Variants in GOLM2 observed in about 807,000 individuals in gnomAD.
GOLM2 encodes the protein protein GOLM2.
A neutral mutation model predicts 55.9 loss-of-function variants in GOLM2; 26 were observed. The ratio of observed to expected loss-of-function variants is 0.47; its 90% CI spans 0.34 to 0.65. The LOEUF is 0.65. Among genes scored for constraint, GOLM2 ranks in the 30% least tolerant of loss-of-function variants. GOLM2 has a pLI of 0.01. For synonymous variants in GOLM2, 165 were observed against 194.6 expected (o/e 0.85, Z 1.27); for missense variants, 486 against 531.8 (o/e 0.91, Z 0.85).
intron 6 of GOLM2, among the ~76,000 whole-genome samples, chr15:44,371,653 T>A (rs576999590): frequency 1.9e-4 from 29 of 152,354 alleles, no homozygotes; most frequent in Admixed American, 1.4e-3. Flanking sequence ...CATCTCTTTC[T>A]AGGAGTTTTT....
chr15:44,340,517 C>G (rs2079084415), intron 6 of GOLM2, among the ~76,000 whole-genome samples: 1 of 152,186 alleles, frequency 6.6e-6, no homozygotes, highest in African/African-American at 2.4e-5. Context: ...CTCAGCCTCT[C>G]AAAGCACTGG....
intron 6 of GOLM2, among the ~76,000 whole-genome samples, chr15:44,376,639 C>G (rs1313721915): frequency 6.6e-6 from 1 of 152,048 alleles, no homozygotes; most frequent in Non-Finnish European, 1.5e-5. Flanking sequence ...AAAATAGATA[C>G]TTGTATATGT....
chr15:44,349,882 T>A (rs2141158420), intron 6 of GOLM2, among the ~76,000 whole-genome samples: 1 of 152,254 alleles, frequency 6.6e-6, no homozygotes, highest in Non-Finnish European at 1.5e-5. Flanking sequence ...AACAATATGC[T>A]CCTGAGTCAC....
At chr15:44,323,614 G>A (rs962766371) in intron 2 of GOLM2, among the ~76,000 whole-genome samples, 8 of 149,692 alleles carry the variant, frequency 5.3e-5, no homozygotes, top group Non-Finnish European at 1.2e-4. Flanking sequence ...TCATGCCATA[G>A]CTGTTAGCCT....
intron 6 of GOLM2, among the ~76,000 whole-genome samples, chr15:44,344,287 G>GTA (rs143483392): frequency 0.067 from 9,281 of 138,078 alleles, 301 homozygotes; most frequent in African/African-American, 0.087. Context: ...ATATGTGTGT[G>GTA]TATATATATA....
At chr15:44,304,864 G>A (rs1567020955) in intron 1 of GOLM2, among the ~76,000 whole-genome samples, 1 of 152,058 alleles carries the variant, frequency 6.6e-6, no homozygotes, top group Non-Finnish European at 1.5e-5. Flanking sequence ...CTAATTCTAG[G>A]TCTCTTGCTA....
intron 6 of GOLM2, among the ~76,000 whole-genome samples, chr15:44,372,306 CCTT>C (rs1273871194): frequency 2.0e-5 from 3 of 152,152 alleles, no homozygotes; most frequent in Non-Finnish European, 4.4e-5. Flanking sequence ...GTGCCATACT[CCTT>C]CTCTATAGCC....
chr15:44,373,903 C>G (rs1595655814), intron 6 of GOLM2, among the ~76,000 whole-genome samples: 1 of 152,096 alleles, frequency 6.6e-6, no homozygotes, highest in East Asian at 1.9e-4. Context: ...GAATTCGAGA[C>G]CAGCCTGGCC....
chr15:44,325,543 C>T (rs2078975534), intron 2 of GOLM2, among the ~76,000 whole-genome samples: 1 of 152,198 alleles, frequency 6.6e-6, no homozygotes, highest in Non-Finnish European at 1.5e-5. Flanking sequence ...TCAGAAGGGA[C>T]TGTAATCTTT....
At chr15:44,332,568 A>C (rs894446360) in intron 4 of GOLM2, among the ~76,000 whole-genome samples, 15 of 152,162 alleles carry the variant, frequency 9.9e-5, no homozygotes, top group Non-Finnish European at 2.1e-4. Flanking sequence ...TCAAAAAAAA[A>C]AAAAATTTAA....
At chr15:44,340,419 C>A (rs1027383884) in intron 6 of GOLM2, among the ~76,000 whole-genome samples, 1 of 152,162 alleles carries the variant, frequency 6.6e-6, no homozygotes, top group Non-Finnish European at 1.5e-5. Flanking sequence ...CACCACCACA[C>A]CTGGCTAATA....
In GOLM2 at chr15:44,337,863, A is replaced by G. The variant is rs2079067732; in HGVS notation, c.677A>G (p.Asp226Gly). The part of the protein sequence containing the change: ...NIPKVAENVA[D>G]KNEEPSSNHI... ...CCAAAAGTAGCTGAGAATGTTGCAG[A>G]TAAGAATGAAGAACCCTCAAGCAAT... Residue 226 changes from aspartate to glycine, a missense_variant, in exon 5 of 10, where the codon GAT becomes GGT. Coordinates refer to ENST00000299957, the MANE Select transcript of GOLM2 (RefSeq NM_138423.4). The G allele has an allele frequency of 1.2e-6, 2 of 1,605,398 alleles. No homozygotes were observed. The highest frequency in any genetic ancestry group is 1.7e-6 in the Non-Finnish European group (2 of 1,178,074).
intron 6 of GOLM2, among the ~76,000 whole-genome samples, chr15:44,346,313 G>GAA (rs924826100): frequency 6.9e-6 from 1 of 145,422 alleles, no homozygotes; most frequent in African/African-American, 2.5e-5. Context: ...TGGGGAGCTT[G>GAA]AAAAAAAAAA....
intron 1 of GOLM2, among the ~76,000 whole-genome samples, chr15:44,293,879 A>G (rs2078737926): frequency 6.6e-6 from 1 of 152,240 alleles, no homozygotes; most frequent in African/African-American, 2.4e-5. Context: ...AGGACAGAGT[A>G]TCAACATAAA....
At chr15:44,385,372 C>T (rs2079437226) in intron 8 of GOLM2, among the ~76,000 whole-genome samples, 4 of 137,320 alleles carry the variant, frequency 2.9e-5, no homozygotes, top group East Asian at 2.6e-4. Flanking sequence ...TCCTCCCTTC[C>T]TTCCTTCCCC....
At chr15:44,327,668 C>G (rs1409919931) in intron 2 of GOLM2, among the ~76,000 whole-genome samples, 3 of 152,154 alleles carry the variant, frequency 2.0e-5, no homozygotes, top group Non-Finnish European at 2.9e-5. Context: ...TTAAAATCAC[C>G]TATCTGTGAA....
At chr15:44,389,118 G>C (rs1303431143) in intron 8 of GOLM2, among the ~76,000 whole-genome samples, 1 of 152,090 alleles carries the variant, frequency 6.6e-6, no homozygotes, top group Non-Finnish European at 1.5e-5. Context: ...CGTCCAGCTT[G>C]AAAATTCATT....
Position 44,410,426 on chromosome 15 carries a change from G to A in GOLM2, c.1241-2910G>A, listed in dbSNP as rs1463434687. ...AGCCTGGGCGACCCAGTGAGACTCC[G>A]TCTCAAAAATATATACATAATTTTT... On this transcript the variant is annotated intron_variant, in intron 9 of 9. Transcript: ENST00000299957. Among the ~76,000 whole-genome samples, 3 of 152,268 alleles carry A rather than the reference G, an allele frequency of 2.0e-5. No individual in the cohort carries two copies. In the South Asian group the frequency reaches 6.2e-4, roughly 32 times the overall value.
chr15:44,331,573 G>A (rs1347745938), intron 3 of GOLM2, among the ~76,000 whole-genome samples: 1 of 152,106 alleles, frequency 6.6e-6, no homozygotes, highest in African/African-American at 2.4e-5. Context: ...ACTATTGGAT[G>A]AATCTTCTGC....
Sources: allele counts gnomAD v4.1 joint callset (sites outside exome capture counted in the v4.1 genomes callset), GRCh38; gene constraint gnomAD v4.1.1; transcripts MANE v1.5; gene names NCBI Gene and HGNC (gene_info 2026-07-23, HGNC 2026-07-21).